Variants in VPS53 observed in about 807,000 individuals in gnomAD.
VPS53 encodes VPS53 subunit of GARP complex.
Under a neutral mutation model 107.0 loss-of-function variants are expected in VPS53, and 70 were observed. That is an observed-to-expected ratio of 0.65 (90% confidence interval 0.54 to 0.80). VPS53 has a LOEUF of 0.80. Among genes scored for constraint, VPS53 ranks in the 30% least tolerant of loss-of-function variants. The probability of loss-of-function intolerance (pLI) is 0.00; values close to 1 mark genes in which losing one functional copy is unlikely to be tolerated. For missense variants in VPS53, 917 were observed against 1,049.4 expected, an observed-to-expected ratio of 0.87 and a Z score of 1.74; for synonymous variants, 409 against 393.3, an observed-to-expected ratio of 1.04 and a Z score of -0.47.
At chr17:594,009 G>A (rs1035455379) in intron 12 of VPS53, among the ~76,000 whole-genome samples, 1 of 152,212 alleles carries the variant, frequency 6.6e-6, no homozygotes, top group African/African-American at 2.4e-5. Context: ...GTCCTTTGTA[G>A]GGACATGGAT....
At chr17:623,725 A>G (rs1375896424) in intron 10 of VPS53, 51 bp from the exon 11 acceptor site, 7 of 1,558,850 alleles carry the variant, frequency 4.5e-6, no homozygotes, top group Non-Finnish European at 6.1e-6. Context: ...TCATTCATTC[A>G]GTAGAGATAA....
chr17:694,229 T>C (rs1461582304), intron 4 of VPS53, among the ~76,000 whole-genome samples: 1 of 152,234 alleles, frequency 6.6e-6, no homozygotes, highest in Non-Finnish European at 1.5e-5. Context: ...TGAAATGCTA[T>C]CTAAACATTC....
chr17:657,382 A>G, intron 5 of VPS53: 1 of 795,122 alleles, frequency 1.3e-6, no homozygotes, highest in Admixed American at 1.8e-5. Context: ...CGCTGCATGC[A>G]AATCTTCTTA....
chr17:519,050 A>C lies in VPS53; in HGVS notation c.*78T>G, dbSNP rs957794722. The C allele has an allele frequency of 1.7e-4, 242 of 1,399,908 alleles. 1 individual carries two copies. Among genetic ancestry groups the C allele is most frequent in the Non-Finnish European group, 5.2e-5 (55 of 1,059,120 alleles). The allele number at this position is 1,399,908 out of a possible 1,614,324, so 86.7% of individuals were successfully genotyped here. The stretch of plus-strand genomic sequence containing the variant: ...GACCGACGATGTGAGAGTGCCGGGG[A>C]GCACAGGAGAGGTTGGGGGCTTCTG... On this transcript the variant is annotated 3_prime_UTR_variant, in exon 22 of 22. Transcript: ENST00000437048. The surrounding 1 kb of genome is among the most constrained non-coding windows in gnomAD (Gnocchi z 5.0).
intron 19 of VPS53, among the ~76,000 whole-genome samples, chr17:528,204 G>A (rs549264471): frequency 1.3e-5 from 2 of 152,290 alleles, no homozygotes; most frequent in South Asian, 4.1e-4. Context: ...TCTGGTTTCA[G>A]AACACATTAT....
At chr17:521,963 A>T (rs950507885) in intron 19 of VPS53, among the ~76,000 whole-genome samples, 6 of 152,180 alleles carry the variant, frequency 3.9e-5, no homozygotes, top group Non-Finnish European at 7.4e-5. Context: ...ATAAAAAACT[A>T]AATCAGGGGG....
intron 17 of VPS53, 52 bp from the exon 18 acceptor site, chr17:537,228 G>T: frequency 6.3e-7 from 1 of 1,591,572 alleles, no homozygotes; most frequent in South Asian, 1.1e-5. Context: ...GAACGGTGTC[G>T]CCTGTTACTG....
intron 4 of VPS53, among the ~76,000 whole-genome samples, chr17:693,317 A>G (rs1318050418): frequency 6.6e-6 from 1 of 152,180 alleles, no homozygotes; most frequent in African/African-American, 2.4e-5. Context: ...TGCATGCTAA[A>G]ATTTATCACA....
At chr17:530,257 A>G (rs1346597862) in intron 19 of VPS53, among the ~76,000 whole-genome samples, 1 of 150,976 alleles carries the variant, frequency 6.6e-6, no homozygotes, top group Non-Finnish European at 1.5e-5. Flanking sequence ...AGGTTCAAGC[A>G]ATTCTCCTGC....
At chr17:561,394 T>A (rs1912962338) in intron 14 of VPS53, among the ~76,000 whole-genome samples, 1 of 152,200 alleles carries the variant, frequency 6.6e-6, no homozygotes, top group Admixed American at 6.5e-5. Flanking sequence ...TAATCCCAGC[T>A]GAGTATGCCA....
chr17:643,974 T>G (rs1970574566), intron 7 of VPS53, among the ~76,000 whole-genome samples: 9 of 152,192 alleles, frequency 5.9e-5, no homozygotes, highest in Admixed American at 5.9e-4. Context: ...CTCACATTTA[T>G]AAGAGGTTAG....
In VPS53 at chr17:515,071, T is replaced by G. The variant is rs564554840; in HGVS notation, c.*4057A>C. On this transcript the variant is annotated 3_prime_UTR_variant, in exon 22 of 22. Transcript: ENST00000437048. ...AGCAGAGTGAACTCTTTATTGATTA[T>G]ACAAATTACCACTATTTATTTTAAA... 6.6e-6 allele frequency: 1 copy of G among 152,184 alleles called. No homozygotes were observed. The highest frequency in any genetic ancestry group is 2.1e-4 in the South Asian group (1 of 4,830). 9.4% of individuals were successfully genotyped at this position (152,184 alleles called of 1,614,324 possible).
intron 13 of VPS53, among the ~76,000 whole-genome samples, chr17:566,960 C>A (rs1913582314): frequency 6.6e-6 from 1 of 152,012 alleles, no homozygotes; most frequent in South Asian, 2.1e-4. Flanking sequence ...CTTGGCCAGG[C>A]TGGTCTTGAA....
intron 13 of VPS53, among the ~76,000 whole-genome samples, chr17:578,133 G>A (rs1043960801): frequency 2.1e-5 from 3 of 143,338 alleles, no homozygotes; most frequent in Non-Finnish European, 4.6e-5. Flanking sequence ...TTCCTAAGCA[G>A]GTAATTCTTT....
chr17:660,631 C>T (rs1484274289), intron 5 of VPS53, among the ~76,000 whole-genome samples: 1 of 124,194 alleles, frequency 8.1e-6, no homozygotes, highest in Non-Finnish European at 1.7e-5. Context: ...GTGTGGTGCA[C>T]CCTTGGGGAA....
At chr17:692,803 C>A (rs1051985500) in intron 4 of VPS53, among the ~76,000 whole-genome samples, 2 of 152,084 alleles carry the variant, frequency 1.3e-5, no homozygotes, top group African/African-American at 4.8e-5. Context: ...GAGTTTGAGA[C>A]CAGCCTGACC....
At chr17:562,474 C>G in intron 14 of VPS53, 29 bp downstream of exon 14, 5 of 1,610,910 alleles carry the variant, frequency 3.1e-6, no homozygotes, top group Non-Finnish European at 4.2e-6. Context: ...CTATTTGCCA[C>G]CACTCAGACT....
intron 15 of VPS53, among the ~76,000 whole-genome samples, chr17:555,659 A>G (rs550423692): frequency 6.0e-4 from 91 of 152,236 alleles, no homozygotes; most frequent in Non-Finnish European, 9.8e-4. Context: ...TATACCTCCT[A>G]ATGGAATAAT....
At chr17:655,146 G>C (rs1377163685) in intron 6 of VPS53, among the ~76,000 whole-genome samples, 1 of 152,198 alleles carries the variant, frequency 6.6e-6, no homozygotes, top group Non-Finnish European at 1.5e-5. Flanking sequence ...CTGGAGCAGG[G>C]GGAGTCCCCA....
Sources: gnomAD v4.1 joint callset for allele counts (sites outside exome capture counted in the v4.1 genomes callset) on GRCh38, gnomAD v4.1.1 for gene constraint, Gnocchi (gnomAD v3.1) non-coding constraint, MANE v1.5 for transcripts, NCBI Gene and HGNC (gene_info 2026-07-23, HGNC 2026-07-21) for gene names.